Variants in PTCH1 observed in about 807,000 individuals in gnomAD.
The protein encoded by PTCH1 is protein patched homolog 1.
Under a neutral mutation model 144.6 loss-of-function variants are expected in PTCH1, and 14 were observed. The ratio of observed to expected loss-of-function variants is 0.10; its 90% confidence interval spans 0.06 to 0.15. The LOEUF (loss-of-function observed/expected upper bound fraction) is 0.15, where lower values mean the gene tolerates loss of function less well. Among genes scored for constraint, PTCH1 ranks in the 10% least tolerant of loss-of-function variants. The pLI is 1.00. For synonymous variants in PTCH1, 833 were observed against 793.6 expected (o/e 1.05, Z -0.83); for missense variants, 1,623 against 1,948.3 (o/e 0.83, Z 3.14).
At chr9:95,486,403 C>T (rs963704786) in intron 2 of PTCH1, among the ~76,000 whole-genome samples, 5 of 152,248 alleles carry the variant, frequency 3.3e-5, no homozygotes, top group African/African-American at 1.2e-4. Context: ...TAAAGTGATT[C>T]AAGTCAGATG....
intron 10 of PTCH1, among the ~76,000 whole-genome samples, chr9:95,477,283 G>T (rs943984171): frequency 2.0e-5 from 3 of 152,216 alleles, no homozygotes; most frequent in Admixed American, 6.5e-5. Flanking sequence ...GAGCTGAAGA[G>T]CCACAACCCT....
chr9:95,479,163 A>T lies in PTCH1; in HGVS notation c.1068-16T>A. 1 of 1,614,068 alleles carries T rather than the reference A, an allele frequency of 6.2e-7. No individual in the cohort carries two copies. The highest frequency in any genetic ancestry group is 8.5e-7 in the Non-Finnish European group (1 of 1,180,014). On this transcript the variant is annotated splice_polypyrimidine_tract_variant and intron_variant, in intron 7 of 23. Transcript: ENST00000331920. ...GGCATGGGCGCTGCAGCACAGTCCA[A>T]GGGAAGGCACATCATCAGTATTCCC... is the stretch of plus-strand genomic sequence containing the variant.
At chr9:95,505,944 G>T (rs1040561914) in intron 2 of PTCH1, among the ~76,000 whole-genome samples, 1 of 146,840 alleles carries the variant, frequency 6.8e-6, no homozygotes, top group African/African-American at 2.5e-5. Flanking sequence ...ACTCCAGCCA[G>T]CCGGAGGGGT....
chr9:95,466,029 G>A (rs1839966030), intron 15 of PTCH1, among the ~76,000 whole-genome samples: 2 of 152,100 alleles, frequency 1.3e-5, no homozygotes, highest in African/African-American at 4.8e-5. Context: ...GAGTGAAGAA[G>A]CCAATAAAGG....
At chr9:95,509,539 TTCTC>T (rs955779503), upstream of PTCH1, among the ~76,000 whole-genome samples, 1 of 152,192 alleles carries the variant, frequency 6.6e-6, no homozygotes, top group African/African-American at 2.4e-5. Flanking sequence ...TCCCCCTCCT[TTCTC>T]TCTTATTCCT....
intron 2 of PTCH1, chr9:95,506,094 GC>G (rs1234872905): frequency 2.0e-5 from 3 of 149,284 alleles, no homozygotes; most frequent in Non-Finnish European, 3.0e-5. Flanking sequence ...GCGGACAGCG[GC>G]AGCGGCGGCG....
intron 20 of PTCH1, chr9:95,453,206 C>T: frequency 2.3e-6 from 1 of 432,112 alleles, no homozygotes; most frequent in Admixed American, 3.3e-5. Flanking sequence ...AATCTCAGCT[C>T]ACTGCAACCT....
chr9:95,502,782 G>A (rs1843241641), intron 2 of PTCH1, among the ~76,000 whole-genome samples: 1 of 152,040 alleles, frequency 6.6e-6, no homozygotes, highest in Admixed American at 6.6e-5. Context: ...GCACATTGTG[G>A]CTGATGTATT....
At chr9:95,507,226 T>TA (rs1843750532) in intron 1 of PTCH1, 2 of 985,552 alleles carry the variant, frequency 2.0e-6, no homozygotes, top group African/African-American at 1.7e-5. Context: ...AGCTGCAACT[T>TA]ACGACAATAT....
upstream of PTCH1, among the ~76,000 whole-genome samples, chr9:95,511,804 G>A (rs1185842899): frequency 6.6e-6 from 1 of 152,214 alleles, no homozygotes; most frequent in African/African-American, 2.4e-5. Flanking sequence ...TCGAACCATT[G>A]TGTGTTTGCT....
chr9:95,449,228 G>C lies in PTCH1; in HGVS notation c.3645C>G (p.His1215Gln). 6.3e-7 allele frequency: 1 copy of C among 1,593,716 alleles called. No individual in the cohort carries two copies. Among genetic ancestry groups the C allele is most frequent in the Non-Finnish European group, 8.5e-7 (1 of 1,170,160 alleles). ...VRFAMPPGHT[H>Q]SGSDSSDSEY... ...CCGAGTCGGAGGAATCAGACCCGCT[G>C]TGCGTGTGGCCGGGCGGCATGGCGA... Residue 1215 changes from histidine (H) to glutamine (Q), a missense_variant, in exon 22 of 24, where the codon CAC becomes CAG. By Grantham distance (24) the His-to-Gln change is conservative. Transcript: ENST00000331920. The surrounding 1 kb of genome is among the most constrained non-coding windows in gnomAD (Gnocchi z 5.3).
chr9:95,493,607 G>A (rs912123238), intron 2 of PTCH1, among the ~76,000 whole-genome samples: 1 of 152,196 alleles, frequency 6.6e-6, no homozygotes, highest in African/African-American at 2.4e-5. Flanking sequence ...CTGTGTATAT[G>A]CAAGCGTTGC....
chr9:95,454,147 G>A (rs1358773402), intron 19 of PTCH1, among the ~76,000 whole-genome samples: 3 of 152,242 alleles, frequency 2.0e-5, no homozygotes, highest in South Asian at 2.1e-4. Context: ...ACACAGGACC[G>A]TACATTTGAA....
At chr9:95,478,313 A>T in intron 8 of PTCH1, 127 bp from the exon 9 acceptor site, 1 of 1,409,026 alleles carries the variant, frequency 7.1e-7, no homozygotes, top group Non-Finnish European at 9.8e-7. Flanking sequence ...AAAAAGTTCT[A>T]CGTGATTCCA....
chr9:95,466,263 T>G (rs552993451), intron 15 of PTCH1, among the ~76,000 whole-genome samples: 73 of 152,196 alleles, frequency 4.8e-4, no homozygotes, highest in Admixed American at 9.2e-4. Flanking sequence ...GCCAGGCTGG[T>G]CTCGAACTCC....
At position 95,516,585 on chromosome 9, in the gene PTCH1, C is replaced by T. The variant is rs754295571; in HGVS notation, c.-114G>A. Reference sequence around the variant, plus strand: ...GCCCCCCTTTCCTCGTCCTCCGCTCCTCCGTCTTCTCCCAGTCTTCCCTCG... The same window carrying T: ...GCCCCCCTTTCCTCGTCCTCCGCTCTTCCGTCTTCTCCCAGTCTTCCCTCG... On this transcript the variant is annotated 5_prime_UTR_variant, in exon 1 of 23. Transcript: ENST00000430669. 1.9e-5 allele frequency: 30 copies of T among 1,584,674 alleles called. No individual in the cohort carries two copies. The highest frequency in any genetic ancestry group is 2.2e-5 in the Non-Finnish European group (26 of 1,168,626).
chr9:95,453,202 A>C (rs1399337715), intron 20 of PTCH1: 2 of 426,518 alleles, frequency 4.7e-6, no homozygotes, highest in Non-Finnish European at 8.9e-6. Context: ...GCGCAATCTC[A>C]GCTCACTGCA....
At chr9:95,489,853 T>G (rs1485020688) in intron 2 of PTCH1, among the ~76,000 whole-genome samples, 1 of 148,386 alleles carries the variant, frequency 6.7e-6, no homozygotes, top group Non-Finnish European at 1.5e-5. Context: ...CAGGCTGGAG[T>G]GCAGTGGCCC....
At chr9:95,477,908 T>A in intron 9 of PTCH1, 147 bp downstream of exon 9, 1 of 1,494,324 alleles carries the variant, frequency 6.7e-7, no homozygotes, top group Non-Finnish European at 9.2e-7. Flanking sequence ...CACGACCACT[T>A]TTAAACCACT....
Sources: gnomAD v4.1 joint callset for allele counts (sites outside exome capture counted in the v4.1 genomes callset) on GRCh38, gnomAD v4.1.1 for gene constraint, Gnocchi (gnomAD v3.1) non-coding constraint, MANE v1.5 for transcripts, NCBI Gene and HGNC (gene_info 2026-07-23, HGNC 2026-07-21) for gene names.